ENPP3: variants seen among roughly 807,000 people sequenced by gnomAD.
ENPP3 encodes the protein ectonucleotide pyrophosphatase/phosphodiesterase family member 3.
ENPP3 carries 104 observed loss-of-function variants against 117.8 expected under a neutral mutation model. That is an observed-to-expected ratio of 0.88 (90% CI 0.75 to 1.04). The LOEUF (loss-of-function observed/expected upper bound fraction) is 1.04, where lower values mean the gene tolerates loss of function less well. Among genes scored for constraint, ENPP3 ranks in the 50% least tolerant of loss-of-function variants. The pLI is 0.00. For missense variants in ENPP3, 1,026 were observed against 1,051.9 expected, an observed-to-expected ratio of 0.98 and a Z score of 0.34; for synonymous variants, 380 against 349.9, an observed-to-expected ratio of 1.09 and a Z score of -0.96.
At position 131,726,105 on chromosome 6, in the gene ENPP3, G is replaced by A. The variant is rs9321309; in HGVS notation, c.1858G>A (p.Val620Met). The A allele has an allele frequency of 3.8e-3, 6,156 of 1,613,084 alleles. 204 individuals are homozygous for A. The African/African-American group carries it at 0.072, about 19-fold the overall frequency. ...GAGGCCTAGGGTACTGCAGAAGAACGTGGACCACTGTCTCCTTTACCACAG... is the reference window on the plus strand; with the variant it reads ...GAGGCCTAGGGTACTGCAGAAGAACATGGACCACTGTCTCCTTTACCACAG... ...FGRPRVLQKN[V>M]DHCLLYHREY... The change falls in exon 20 of 25, where the codon GTG becomes ATG. Residue 620 changes from valine (V) to methionine (M), a missense_variant. Transcript: ENST00000357639.
chr6:131,697,184 G>A (rs1779426795), intron 15 of ENPP3, among the ~76,000 whole-genome samples: 1 of 152,216 alleles, frequency 6.6e-6, no homozygotes, highest in Non-Finnish European at 1.5e-5. Context: ...CATTGCTGGA[G>A]CACTGAGTGT....
intron 15 of ENPP3, among the ~76,000 whole-genome samples, chr6:131,696,804 C>G (rs1050647164): frequency 6.3e-5 from 9 of 142,882 alleles, no homozygotes; most frequent in Non-Finnish European, 1.2e-4. Context: ...GAGTCTCGCT[C>G]TGTCGCCCAG....
At chr6:131,696,189 A>G (rs973783940) in intron 15 of ENPP3, among the ~76,000 whole-genome samples, 15 of 152,230 alleles carry the variant, frequency 9.9e-5, no homozygotes, top group Admixed American at 2.0e-4. Flanking sequence ...TAGTAGAAGT[A>G]TTAAGTGCTT....
chr6:131,646,427 C>T (rs777401561), intron 2 of ENPP3, among the ~76,000 whole-genome samples: 9 of 152,044 alleles, frequency 5.9e-5, no homozygotes, highest in Non-Finnish European at 1.5e-5. Context: ...CCTCAAATGT[C>T]TGGGGACCAT....
intron 11 of ENPP3, among the ~76,000 whole-genome samples, chr6:131,679,025 C>CCTTCCTTCTTTCTTT (rs1778953701): frequency 9.2e-6 from 1 of 108,522 alleles, no homozygotes; most frequent in East Asian, 2.5e-4. Flanking sequence ...TTCCTTCCTT[C>CCTTCCTTCTTTCTTT]CTTCTTTCTT....
At chr6:131,711,215 C>G (rs1170520702) in intron 15 of ENPP3, among the ~76,000 whole-genome samples, 1 of 152,094 alleles carries the variant, frequency 6.6e-6, no homozygotes, top group Non-Finnish European at 1.5e-5. Context: ...CCCACCACCT[C>G]CCCTGGCCCT....
intron 15 of ENPP3, among the ~76,000 whole-genome samples, chr6:131,703,796 G>T (rs1414267687): frequency 2.0e-5 from 3 of 151,202 alleles, no homozygotes; most frequent in Admixed American, 2.0e-4. Flanking sequence ...AGAAGGGAAG[G>T]TGTTATTAAG....
At chr6:131,691,141 A>G (rs1779268688) in intron 14 of ENPP3, among the ~76,000 whole-genome samples, 2 of 152,102 alleles carry the variant, frequency 1.3e-5, no homozygotes, top group Admixed American at 6.5e-5. Context: ...TCCCAAGGAA[A>G]TATTTCATGT....
intron 6 of ENPP3, among the ~76,000 whole-genome samples, chr6:131,665,429 G>T (rs1159943786): frequency 2.0e-5 from 3 of 151,982 alleles, no homozygotes; most frequent in Non-Finnish European, 4.4e-5. Context: ...ACTGTTTATA[G>T]ATTTATTCGG....
chr6:131,666,468 C>A (rs1447202925), intron 6 of ENPP3, among the ~76,000 whole-genome samples: 1 of 152,112 alleles, frequency 6.6e-6, no homozygotes, highest in Non-Finnish European at 1.5e-5. Flanking sequence ...TTTTTCTTCT[C>A]CGGAAAACCC....
chr6:131,668,687 A>C (rs759937536), intron 6 of ENPP3, among the ~76,000 whole-genome samples: 1 of 152,176 alleles, frequency 6.6e-6, no homozygotes, highest in Non-Finnish European at 1.5e-5. Flanking sequence ...TTTTTTTAGA[A>C]GTAAAATACA....
chr6:131,719,486 C>T (rs2114524628), intron 16 of ENPP3, among the ~76,000 whole-genome samples: 1 of 150,808 alleles, frequency 6.6e-6, no homozygotes, highest in East Asian at 2.0e-4. Flanking sequence ...TTTATTATAA[C>T]ATTGTCATGG....
chr6:131,689,957 A>T (rs2114440453), intron 14 of ENPP3, among the ~76,000 whole-genome samples: 2 of 152,274 alleles, frequency 1.3e-5, no homozygotes, highest in Middle Eastern at 6.8e-3. Flanking sequence ...ATAGAAAGAG[A>T]ACTAGAATCA....
Position 131,693,558 on chromosome 6 carries a change from A to G in ENPP3, c.1346A>G (p.His449Arg), listed in dbSNP as rs952765648. The change falls in exon 15 of 25, where the codon CAC becomes CGC. Residue 449 changes from histidine (H) to arginine (R), a missense_variant. Physicochemically the swap from His to Arg is conservative, Grantham distance 29. Coordinates refer to ENST00000357639, the MANE Select transcript of ENPP3 (RefSeq NM_005021.5). ...ACTCCTGATTTGCCAAAGCGACTGC[A>G]CTATGCCAAGAACGTCAGAATCGAC... ...YLTPDLPKRLHYAKNVRIDKV... is the reference protein window; with the variant it reads ...YLTPDLPKRLRYAKNVRIDKV... 7.4e-6 allele frequency: 12 copies of G among 1,613,856 alleles called. No homozygotes were observed. The highest frequency in any genetic ancestry group is 1.3e-5 in the African/African-American group (1 of 74,934).
intron 5 of ENPP3, among the ~76,000 whole-genome samples, chr6:131,653,538 C>T (rs959299705): frequency 6.6e-6 from 1 of 152,130 alleles, no homozygotes; most frequent in Non-Finnish European, 1.5e-5. Flanking sequence ...CTTGAAATTA[C>T]TTCTGCCAGA....
chr6:131,650,001 C>G, intron 2 of ENPP3, 26 bp from the exon 3 acceptor site: 1 of 1,613,208 alleles, frequency 6.2e-7, no homozygotes, highest in Non-Finnish European at 8.5e-7. Context: ...CCTAAATGTT[C>G]GGGCCCTATT....
chr6:131,743,689 A>G (rs1351948892), intron 24 of ENPP3, among the ~76,000 whole-genome samples: 3 of 151,760 alleles, frequency 2.0e-5, no homozygotes, highest in Non-Finnish European at 2.9e-5. Flanking sequence ...GCCAGGTGTG[A>G]TGGTGCATGC....
At chr6:131,662,718 G>A (rs1194424737) in intron 6 of ENPP3, among the ~76,000 whole-genome samples, 4 of 151,956 alleles carry the variant, frequency 2.6e-5, no homozygotes, top group Admixed American at 1.3e-4. Flanking sequence ...TTCTATTTCT[G>A]TAATAAATGT....
intron 2 of ENPP3, among the ~76,000 whole-genome samples, chr6:131,642,489 C>T (rs1290625780): frequency 3.3e-5 from 5 of 151,976 alleles, no homozygotes; most frequent in African/African-American, 1.2e-4. Flanking sequence ...AAAGAATTAC[C>T]TATAATCTTT....
Sources: allele counts gnomAD v4.1 joint callset (sites outside exome capture counted in the v4.1 genomes callset), GRCh38; gene constraint gnomAD v4.1.1; transcripts MANE v1.5; gene names NCBI Gene and HGNC (gene_info 2026-07-23, HGNC 2026-07-21).